The following LIPI variants were observed in gnomAD, a reference collection of about 807,000 sequenced individuals.
LIPI encodes lipase I, also known as lipase member I.
A neutral mutation model predicts 50.6 loss-of-function variants in LIPI; 59 were observed. The ratio of observed to expected loss-of-function variants is 1.16; its 90% confidence interval spans 0.94 to 1.45. The LOEUF is 1.45. Among genes scored for constraint, LIPI ranks in the 40% most tolerant of loss-of-function variants. LIPI has a pLI of 0.00. For synonymous variants in LIPI, 203 were observed against 178.2 expected (o/e 1.14, Z -1.11); for missense variants, 586 against 536.3 (o/e 1.09, Z -0.92).
intron 4 of LIPI, among the ~76,000 whole-genome samples, chr21:14,178,114 T>C (rs374916): frequency 0.17 from 26,607 of 152,094 alleles, 2,761 homozygotes; most frequent in South Asian, 0.27. Context: ...TAAACTTGTA[T>C]GGTTTGATGA....
At chr21:14,166,783 G>A (rs929894221) in intron 4 of LIPI, among the ~76,000 whole-genome samples, 9 of 152,148 alleles carry the variant, frequency 5.9e-5, no homozygotes, top group African/African-American at 1.7e-4. Flanking sequence ...TGTGAGTGGT[G>A]CAGAAGGCAG....
intron 1 of LIPI, among the ~76,000 whole-genome samples, chr21:14,201,921 G>A (rs993930811): frequency 6.6e-6 from 1 of 152,146 alleles, no homozygotes; most frequent in African/African-American, 2.4e-5. Context: ...TGACGTGATT[G>A]TATATCTAGA....
intron 9 of LIPI, among the ~76,000 whole-genome samples, chr21:14,128,677 A>AATCAT (rs143890095): frequency 0.027 from 4,145 of 152,122 alleles, 178 homozygotes; most frequent in African/African-American, 0.091. Context: ...ATATATCTTA[A>AATCAT]GTGTGTCATC....
chr21:14,163,316 A>G, intron 7 of LIPI, 103 bp downstream of exon 7: 2 of 655,318 alleles, frequency 3.1e-6, no homozygotes, highest in Non-Finnish European at 2.8e-6. Context: ...CTGAAAGAAC[A>G]TGATGGAATT....
intron 4 of LIPI, among the ~76,000 whole-genome samples, chr21:14,180,726 C>T (rs1322868881): frequency 1.3e-5 from 2 of 152,116 alleles, no homozygotes; most frequent in Admixed American, 6.6e-5. Context: ...GTAGGTGAAC[C>T]TAGATTCCAA....
intron 1 of LIPI, among the ~76,000 whole-genome samples, chr21:14,195,624 T>C (rs775504481): frequency 9.9e-5 from 15 of 152,110 alleles, no homozygotes; most frequent in East Asian, 5.8e-4. Context: ...ACAGTAAACA[T>C]GAAACAGAAA....
At chr21:14,192,085 T>A (rs1354098835) in intron 1 of LIPI, among the ~76,000 whole-genome samples, 1 of 152,248 alleles carries the variant, frequency 6.6e-6, no homozygotes, top group Non-Finnish European at 1.5e-5. Flanking sequence ...TATTTTATTT[T>A]TATTTTATTT....
intron 9 of LIPI, among the ~76,000 whole-genome samples, chr21:14,142,158 A>C: frequency 6.6e-6 from 1 of 152,044 alleles, no homozygotes; most frequent in East Asian, 1.9e-4. Context: ...TCAAAATAAC[A>C]GTCGGGGGTT....
intron 4 of LIPI, among the ~76,000 whole-genome samples, chr21:14,179,914 G>T (rs1466633277): frequency 6.6e-6 from 1 of 152,144 alleles, no homozygotes; most frequent in African/African-American, 2.4e-5. Flanking sequence ...GACTGCCTGT[G>T]GGGTCGGGCA....
chr21:14,164,389 A>G (rs1032944373), intron 6 of LIPI, among the ~76,000 whole-genome samples: 2 of 152,178 alleles, frequency 1.3e-5, no homozygotes, highest in African/African-American at 4.8e-5. Flanking sequence ...TAGACAGAAA[A>G]GTCTATGAGA....
chr21:14,167,689 G>A (rs2018741466), intron 4 of LIPI, among the ~76,000 whole-genome samples: 1 of 152,090 alleles, frequency 6.6e-6, no homozygotes, highest in African/African-American at 2.4e-5. Flanking sequence ...AAACAGAAAG[G>A]ACATCCACAC....
At chr21:14,184,604 C>G (rs1375323313) in intron 3 of LIPI, among the ~76,000 whole-genome samples, 1 of 152,160 alleles carries the variant, frequency 6.6e-6, no homozygotes, top group Non-Finnish European at 1.5e-5. Flanking sequence ...CTGAATGAGA[C>G]AGAATCATCT....
At chr21:14,184,259 A>C (rs1437199784) in intron 3 of LIPI, among the ~76,000 whole-genome samples, 1 of 152,012 alleles carries the variant, frequency 6.6e-6, no homozygotes, top group Admixed American at 6.5e-5. Context: ...TCTCACTCAT[A>C]GGTGGGAATT....
chr21:14,147,188 G>A (rs148994699), intron 8 of LIPI, among the ~76,000 whole-genome samples: 1 of 152,064 alleles, frequency 6.6e-6, no homozygotes, highest in Non-Finnish European at 1.5e-5. Context: ...GAATGCAGTA[G>A]GGCAATGACT....
intron 7 of LIPI, among the ~76,000 whole-genome samples, chr21:14,162,735 C>T (rs909008212): frequency 3.3e-5 from 5 of 151,760 alleles, no homozygotes; most frequent in African/African-American, 9.7e-5. Context: ...GACTGGAAGA[C>T]ATTAAAAATG....
At chr21:14,168,185 A>G (rs2018761400) in intron 4 of LIPI, among the ~76,000 whole-genome samples, 2 of 152,162 alleles carry the variant, frequency 1.3e-5, no homozygotes, top group African/African-American at 4.8e-5. Context: ...AAAGAAATGA[A>G]CAAAGCCTCC....
At position 14,143,418 on chromosome 21, in the gene LIPI, T is replaced by C. The variant is rs567629647; in HGVS notation, c.1295+1205A>G. On this transcript the variant is annotated intron_variant, in intron 9 of 9. Transcript: ENST00000681601. ...CTAAATAATATCACACCAAAAGTTA[T>C]AAAATGACTTCCCAACTCTCTTCTG... 2.6e-5 allele frequency: 4 copies of C among 152,290 alleles called. 1 individual carries two copies. In the South Asian group the frequency reaches 8.3e-4, roughly 32 times the overall value. 9.4% of individuals were successfully genotyped at this position (152,290 alleles called of 1,614,324 possible). A position where few individuals can be genotyped will look rare whatever the true frequency, so the allele number is the denominator to read the frequency against.
intron 9 of LIPI, among the ~76,000 whole-genome samples, chr21:14,115,668 C>G (rs984347094): frequency 6.6e-6 from 1 of 152,068 alleles, no homozygotes; most frequent in Non-Finnish European, 1.5e-5. Flanking sequence ...ACGGTTTTCC[C>G]GTGTCTTGGA....
chr21:14,178,396 C>A (rs1600904135), intron 4 of LIPI, among the ~76,000 whole-genome samples: 2 of 151,996 alleles, frequency 1.3e-5, no homozygotes, highest in East Asian at 3.9e-4. Context: ...TTCTTTGGTA[C>A]CCATTTGCTT....
Sources: allele counts gnomAD v4.1 joint callset (sites outside exome capture counted in the v4.1 genomes callset), GRCh38; gene constraint gnomAD v4.1.1; transcripts MANE v1.5; gene names NCBI Gene and HGNC (gene_info 2026-07-23, HGNC 2026-07-21).